TMEM150C: variants seen among roughly 807,000 people sequenced by gnomAD.
TMEM150C encodes transmembrane protein 150C.
In TMEM150C, 10 loss-of-function variants were observed where a neutral mutation model predicts 29.9. The ratio of observed to expected loss-of-function variants is 0.33; its 90% CI spans 0.21 to 0.57. The LOEUF is 0.57. TMEM150C is among the 20% of genes least tolerant of loss of function. The pLI is 0.88. For missense variants in TMEM150C, 251 were observed against 303.6 expected, an observed-to-expected ratio of 0.83 and a Z score of 1.29; for synonymous variants, 101 against 112.5, an observed-to-expected ratio of 0.90 and a Z score of 0.64.
At chr4:82,512,022 A>T (rs1273311426) in intron 1 of TMEM150C, among the ~76,000 whole-genome samples, 1 of 152,252 alleles carries the variant, frequency 6.6e-6, no homozygotes, top group Non-Finnish European at 1.5e-5. Flanking sequence ...GCTATAGGTC[A>T]TGAGTTGTTA....
intron 6 of TMEM150C, chr4:82,491,721 T>C: frequency 2.7e-6 from 1 of 375,080 alleles, no homozygotes; most frequent in Non-Finnish European, 4.8e-6. Flanking sequence ...AGACTGGTCA[T>C]GAACTTCTGA....
chr4:82,534,979 G>T (rs73833112), intron 1 of TMEM150C, among the ~76,000 whole-genome samples: 1,900 of 152,254 alleles, frequency 0.012, 33 homozygotes, highest in African/African-American at 0.043. Context: ...TGAATAAACA[G>T]CACCAAGACA....
chr4:82,494,918 C>T, intron 6 of TMEM150C: 1 of 560,568 alleles, frequency 1.8e-6, no homozygotes, highest in South Asian at 1.6e-5. Context: ...GTTCCTTGCG[C>T]TTCTCTTTAG....
Position 82,485,290 on chromosome 4 carries a change from A to C in TMEM150C, c.*221T>G. On this transcript the variant is annotated 3_prime_UTR_variant, in exon 8 of 8. Transcript: ENST00000449862. Reference sequence around the variant, plus strand: ...GCACAAGCTTCTTGCTCTGTCGTGCATATATTTTCAGTGTAACAGCGTGTA... The same window carrying C: ...GCACAAGCTTCTTGCTCTGTCGTGCCTATATTTTCAGTGTAACAGCGTGTA... The C allele has an allele frequency of 3.7e-6, 2 of 539,172 alleles. No homozygotes were observed. Among genetic ancestry groups the C allele is most frequent in the Middle Eastern group, 1.0e-3 (2 of 1,948 alleles). The allele number at this position is 539,172 out of a possible 1,614,324, so 33.4% of individuals were successfully genotyped here. A position where few individuals can be genotyped will look rare whatever the true frequency, so the allele number is the denominator to read the frequency against.
intron 1 of TMEM150C, among the ~76,000 whole-genome samples, chr4:82,506,416 T>C (rs886804131): frequency 1.3e-5 from 2 of 152,206 alleles, no homozygotes; most frequent in Non-Finnish European, 2.9e-5. Flanking sequence ...TGGTGTTAAA[T>C]AAATTACAGA....
At chr4:82,561,819 C>A in intron 1 of TMEM150C, 87 bp downstream of exon 1, 1 of 933,300 alleles carries the variant, frequency 1.1e-6, no homozygotes, top group African/African-American at 1.8e-5. Flanking sequence ...CGTCCCCGGT[C>A]TCCGCCTGCG....
intron 7 of TMEM150C, among the ~76,000 whole-genome samples, chr4:82,487,038 CA>C (rs1418708085): frequency 6.6e-6 from 1 of 152,102 alleles, no homozygotes; most frequent in Non-Finnish European, 1.5e-5. Context: ...GAAATTACTT[CA>C]GCCAAACTTT....
intron 7 of TMEM150C, 62 bp downstream of exon 7, chr4:82,489,999 C>T (rs1252061663): frequency 9.9e-6 from 15 of 1,522,192 alleles, no homozygotes; most frequent in Non-Finnish European, 1.4e-5. Context: ...GGTTCTTCTA[C>T]AGAGACAACT....
intron 1 of TMEM150C, among the ~76,000 whole-genome samples, chr4:82,551,338 CCT>C (rs1390143864): frequency 6.6e-6 from 1 of 152,104 alleles, no homozygotes; most frequent in Non-Finnish European, 1.5e-5. Flanking sequence ...TGTAAAGCTC[CCT>C]GAGGACAGAA....
At chr4:82,512,583 C>T (rs571966527) in intron 1 of TMEM150C, among the ~76,000 whole-genome samples, 8 of 152,040 alleles carry the variant, frequency 5.3e-5, no homozygotes, top group South Asian at 2.1e-4. Context: ...TATGATAACA[C>T]GATTTCATTA....
At chr4:82,537,318 A>G (rs1725044971) in intron 1 of TMEM150C, among the ~76,000 whole-genome samples, 1 of 152,254 alleles carries the variant, frequency 6.6e-6, no homozygotes, top group South Asian at 2.1e-4. Flanking sequence ...ATTTTAAAAT[A>G]ATGAATTTCC....
At chr4:82,488,506 G>A (rs1723231165) in intron 7 of TMEM150C, among the ~76,000 whole-genome samples, 1 of 152,216 alleles carries the variant, frequency 6.6e-6, no homozygotes, top group African/African-American at 2.4e-5. Context: ...GACTGAAGAT[G>A]TGTAATTGCA....
chr4:82,560,176 G>T (rs960589533), intron 1 of TMEM150C, among the ~76,000 whole-genome samples: 1 of 152,032 alleles, frequency 6.6e-6, no homozygotes, highest in Non-Finnish European at 1.5e-5. Context: ...ACATGGAAAA[G>T]GTATTTGTAA....
intron 1 of TMEM150C, among the ~76,000 whole-genome samples, chr4:82,559,154 C>A (rs988616515): frequency 6.6e-6 from 1 of 152,214 alleles, no homozygotes; most frequent in African/African-American, 2.4e-5. Context: ...CCACCCTTTG[C>A]TGACTCCTTT....
chr4:82,546,456 T>C (rs1043823752), intron 1 of TMEM150C, among the ~76,000 whole-genome samples: 3 of 152,038 alleles, frequency 2.0e-5, no homozygotes, highest in Non-Finnish European at 4.4e-5. Flanking sequence ...TTTGACAAAA[T>C]TGACAAAAAA....
At chr4:82,547,410 GAAACC>G (rs372646812) in intron 1 of TMEM150C, among the ~76,000 whole-genome samples, 38 of 152,080 alleles carry the variant, frequency 2.5e-4, no homozygotes, top group African/African-American at 7.7e-4. Flanking sequence ...CCAATATGGT[GAAACC>G]CCATCTCTAC....
chr4:82,494,917 G>A (rs894089745), intron 6 of TMEM150C: 32 of 556,258 alleles, frequency 5.8e-5, no homozygotes, highest in South Asian at 1.3e-4. Flanking sequence ...TGTTCCTTGC[G>A]CTTCTCTTTA....
intron 6 of TMEM150C, among the ~76,000 whole-genome samples, chr4:82,492,111 T>C (rs1723371965): frequency 9.2e-6 from 1 of 108,534 alleles, no homozygotes; most frequent in Non-Finnish European, 1.7e-5. Flanking sequence ...GCCTAAATAA[T>C]TGTTTTTTGT....
At chr4:82,502,065 A>G (rs1723753354) in intron 5 of TMEM150C, among the ~76,000 whole-genome samples, 2 of 152,200 alleles carry the variant, frequency 1.3e-5, no homozygotes, top group Admixed American at 6.5e-5. Flanking sequence ...AGATTAGAAA[A>G]AGGATAGAGT....
Sources: gnomAD v4.1 joint callset for allele counts (sites outside exome capture counted in the v4.1 genomes callset) on GRCh38, gnomAD v4.1.1 for gene constraint, MANE v1.5 for transcripts, NCBI Gene and HGNC (gene_info 2026-07-23, HGNC 2026-07-21) for gene names.